The following SENP6 variants were observed in gnomAD, a reference collection of about 807,000 sequenced individuals.
SENP6 encodes the protein SUMO specific peptidase 6.
A neutral mutation model predicts 134.5 loss-of-function variants in SENP6; 41 were observed. That is an observed-to-expected ratio of 0.30 (90% CI 0.24 to 0.40). The LOEUF (loss-of-function observed/expected upper bound fraction) is 0.40, where lower values mean the gene tolerates loss of function less well. Among genes scored for constraint, SENP6 ranks in the 10% least tolerant of loss-of-function variants. The pLI, the probability that SENP6 is intolerant of heterozygous loss-of-function variation, is 1.00. For synonymous variants in SENP6, 395 were observed against 429.8 expected (o/e 0.92, Z 1.00); for missense variants, 1,248 against 1,312.5 (o/e 0.95, Z 0.76).
chr6:75,688,687 AG>A (rs1774020072), intron 16 of SENP6, among the ~76,000 whole-genome samples: 1 of 152,218 alleles, frequency 6.6e-6, no homozygotes, highest in Non-Finnish European at 1.5e-5. Flanking sequence ...TGGGAGGCCA[AG>A]GTGGGAGGAT....
chr6:75,670,800 A>C, intron 11 of SENP6, 80 bp downstream of exon 11: 1 of 693,758 alleles, frequency 1.4e-6, no homozygotes, highest in Non-Finnish European at 2.0e-6. Context: ...TAATATTTAA[A>C]ATTTATAAGT....
Position 75,705,939 on chromosome 6 carries a change from T to A in SENP6, c.2716+2867T>A, listed in dbSNP as rs1441443528. Among the ~76,000 whole-genome samples, 2 of 131,868 alleles carry A rather than the reference T, an allele frequency of 1.5e-5. 1 individual carries two copies. Among genetic ancestry groups the A allele is most frequent in the African/African-American group, 5.5e-5 (2 of 36,360 alleles). The allele number at this position is 131,868 out of a possible 152,430, so 86.5% of individuals were successfully genotyped here. Reference sequence around the variant, plus strand: ...TATTTTTGAGCCTTTTTTTTTTTTTTTTTTTTTTTTTTTTTGAGATGGAGT... The same window carrying A: ...TATTTTTGAGCCTTTTTTTTTTTTTATTTTTTTTTTTTTTTGAGATGGAGT... On this transcript the variant is annotated intron_variant, in intron 19 of 23. Transcript: ENST00000447266.
chr6:75,631,240 C>G (rs1177984459), intron 3 of SENP6, among the ~76,000 whole-genome samples: 2 of 152,062 alleles, frequency 1.3e-5, no homozygotes, highest in Non-Finnish European at 1.5e-5. Flanking sequence ...TGCTAAACTT[C>G]CTGAATATCA....
Position 75,717,053 on chromosome 6 carries a change from T to G in SENP6, c.*1459T>G, listed in dbSNP as rs1263672867. 6.6e-6 allele frequency: 1 copy of G among 151,976 alleles called. No homozygotes were observed. Among genetic ancestry groups the G allele is most frequent in the East Asian group, 1.9e-4 (1 of 5,198 alleles). 9.4% of individuals were successfully genotyped at this position (151,976 alleles called of 1,614,324 possible). ...AAAGGTCACCATTAGTGATATCAACTGTAGTTTGTTACTTTGAACTATATT... is the reference window on the plus strand; with the variant it reads ...AAAGGTCACCATTAGTGATATCAACGGTAGTTTGTTACTTTGAACTATATT... On this transcript the variant is annotated 3_prime_UTR_variant, in exon 24 of 24. Coordinates refer to ENST00000447266, the MANE Select transcript of SENP6 (RefSeq NM_015571.4).
chr6:75,609,814 C>T (rs952281774), intron 1 of SENP6, among the ~76,000 whole-genome samples: 6 of 152,124 alleles, frequency 3.9e-5, no homozygotes, highest in African/African-American at 7.2e-5. Flanking sequence ...AGTCTCGGCT[C>T]CGTTGCCCAG....
rs986493931 is a variant in SENP6, at chr6:75,709,694, A to G, written c.2820+64A>G. The stretch of plus-strand genomic sequence containing the variant: ...TCTAATTAAAAGTTTTTCTTGCTGA[A>G]CATGGTGGTGCACACCTGTAGTCCC... On this transcript the variant is annotated intron_variant, in intron 20 of 23. Coordinates refer to ENST00000447266, the MANE Select transcript of SENP6 (RefSeq NM_015571.4). 1.4e-5 allele frequency: 16 copies of G among 1,173,042 alleles called. No homozygotes were observed. The East Asian group carries it at 3.7e-4, about 27-fold the overall frequency. 72.7% of individuals were successfully genotyped at this position (1,173,042 alleles called of 1,614,324 possible). A position where few individuals can be genotyped will look rare whatever the true frequency, so the allele number is the denominator to read the frequency against.
At chr6:75,620,082 CAAAAAAAAAAA>C (rs10526946) in intron 1 of SENP6, among the ~76,000 whole-genome samples, 45,497 of 128,246 alleles carry the variant, frequency 0.35, 7,689 homozygotes, top group African/African-American at 0.5. Flanking sequence ...TACCTTGCCT[CAAAAAAAAAAA>C]AAAAAAAAAA....
intron 5 of SENP6, among the ~76,000 whole-genome samples, chr6:75,639,381 A>T (rs886651384): frequency 1.6e-4 from 24 of 151,898 alleles, no homozygotes; most frequent in Admixed American, 2.6e-4. Context: ...CCTTTTGAAA[A>T]TTTTTTTTAA....
At chr6:75,714,112 A>G (rs553614125) in intron 23 of SENP6, among the ~76,000 whole-genome samples, 118 of 152,290 alleles carry the variant, frequency 7.7e-4, no homozygotes, top group Middle Eastern at 6.8e-3. Context: ...CCCATGATTC[A>G]CACTGCCTCT....
At chr6:75,689,043 G>A (rs1774048941) in intron 16 of SENP6, among the ~76,000 whole-genome samples, 3 of 152,124 alleles carry the variant, frequency 2.0e-5, no homozygotes, top group African/African-American at 4.8e-5. Flanking sequence ...TCCAGCCTGG[G>A]CAACAAGAGT....
At chr6:75,705,925 C>CTTT (rs71544062) in intron 19 of SENP6, among the ~76,000 whole-genome samples, 6 of 47,938 alleles carry the variant, frequency 1.3e-4, no homozygotes, top group East Asian at 8.8e-4. Flanking sequence ...ATTTTTGAGC[C>CTTT]TTTTTTTTTT....
chr6:75,642,939 TG>T (rs1018180057), intron 6 of SENP6, among the ~76,000 whole-genome samples: 56 of 151,844 alleles, frequency 3.7e-4, no homozygotes, highest in Non-Finnish European at 5.7e-4. Context: ...ATCTTTTTGG[TG>T]GGGGAGGTGG....
chr6:75,663,588 C>T, intron 9 of SENP6, 70 bp downstream of exon 9: 3 of 1,090,024 alleles, frequency 2.8e-6, no homozygotes, highest in Non-Finnish European at 4.0e-6. Flanking sequence ...TTTACAACCA[C>T]TCTCCCCAAC....
chr6:75,623,847 A>G, intron 2 of SENP6, 53 bp from the exon 3 acceptor site: 4 of 1,459,370 alleles, frequency 2.7e-6, no homozygotes, highest in African/African-American at 1.4e-5. Context: ...TCAGAATTTA[A>G]TATAAGGATT....
chr6:75,619,700 A>G (rs1187675091), intron 1 of SENP6, among the ~76,000 whole-genome samples: 1 of 152,166 alleles, frequency 6.6e-6, no homozygotes, highest in Non-Finnish European at 1.5e-5. Context: ...ATTATTTTCT[A>G]CAGTGCCTGA....
At chr6:75,684,611 A>T (rs528377129) in intron 16 of SENP6, among the ~76,000 whole-genome samples, 311 of 152,096 alleles carry the variant, frequency 2.0e-3, no homozygotes, top group Non-Finnish European at 3.7e-3. Flanking sequence ...GCATGAAGGG[A>T]TGTTGAATTT....
Position 75,695,882 on chromosome 6 carries a change from T to G in SENP6, c.2154T>G (p.Leu718=). Residue 718 remains leucine (L), a synonymous_variant, in exon 17 of 24, where the codon CTT becomes CTG. Coordinates refer to ENST00000447266, the MANE Select transcript of SENP6 (RefSeq NM_015571.4). ...TCAGTTCTTTTTTCTATAAACGCCT[T>G]AATCAGAGAGAGAGGAGAAATCATG... is the stretch of plus-strand genomic sequence containing the variant. ...HIFSSFFYKR[L]NQRERRNHET... 6.2e-7 allele frequency: 1 copy of G among 1,606,974 alleles called. No individual in the cohort carries two copies. Among genetic ancestry groups the G allele is most frequent in the Non-Finnish European group, 8.5e-7 (1 of 1,177,248 alleles).
chr6:75,699,569 C>T (rs1286395077), intron 18 of SENP6, among the ~76,000 whole-genome samples: 2 of 151,934 alleles, frequency 1.3e-5, no homozygotes, highest in Non-Finnish European at 2.9e-5. Context: ...CTTACTGCAG[C>T]CTCAACCTCC....
Position 75,713,896 on chromosome 6 carries a change from AAC to A in SENP6, c.3129+75_3129+76del, listed in dbSNP as rs1400801529. On this transcript the variant is annotated intron_variant, in intron 23 of 23. Transcript: ENST00000447266. Reference sequence around the variant, plus strand: ...TGCATTTGACTTTACCTTAGTAAAAAACACAATAAGCAAATATTTTAAAGAGT... The same window carrying A: ...TGCATTTGACTTTACCTTAGTAAAAAACAATAAGCAAATATTTTAAAGAGT... 1.1e-5 allele frequency: 13 copies of A among 1,130,916 alleles called. No individual in the cohort carries two copies. In the African/African-American group the frequency reaches 1.9e-4, roughly 16 times the overall value. 70.1% of individuals were successfully genotyped at this position (1,130,916 alleles called of 1,614,324 possible). A position where few individuals can be genotyped will look rare whatever the true frequency, so the allele number is the denominator to read the frequency against.
Sources: allele counts gnomAD v4.1 joint callset (sites outside exome capture counted in the v4.1 genomes callset), GRCh38; gene constraint gnomAD v4.1.1; transcripts MANE v1.5; gene names NCBI Gene and HGNC (gene_info 2026-07-23, HGNC 2026-07-21).